The following TAOK3 variants were observed in gnomAD, a reference collection of about 807,000 sequenced individuals.
The protein encoded by TAOK3 is TAO kinase 3.
TAOK3 carries 40 observed loss-of-function variants against 120.4 expected under a neutral mutation model. The ratio of observed to expected loss-of-function variants is 0.33; its 90% CI spans 0.26 to 0.43. The LOEUF (loss-of-function observed/expected upper bound fraction) is 0.43, where lower values mean the gene tolerates loss of function less well. TAOK3 is among the 20% of genes least tolerant of loss of function. The pLI is 1.00. For synonymous variants in TAOK3, 355 were observed against 387.5 expected (o/e 0.92, Z 0.99); for missense variants, 821 against 1,112.1 (o/e 0.74, Z 3.72).
intron 9 of TAOK3, among the ~76,000 whole-genome samples, chr12:118,232,559 AT>A (rs2039829858): frequency 1.3e-5 from 2 of 152,150 alleles, no homozygotes; most frequent in Non-Finnish European, 2.9e-5. Flanking sequence ...ACTATGTGCT[AT>A]TTTGTATTTC....
At chr12:118,279,533 T>C (rs1034774231) in intron 1 of TAOK3, among the ~76,000 whole-genome samples, 1 of 151,964 alleles carries the variant, frequency 6.6e-6, no homozygotes, top group African/African-American at 2.4e-5. Context: ...CTTCCAGTGT[T>C]TTTATAGTTT....
intron 1 of TAOK3, among the ~76,000 whole-genome samples, chr12:118,315,096 A>G (rs1017338452): frequency 6.6e-6 from 1 of 151,952 alleles, no homozygotes; most frequent in African/African-American, 2.4e-5. Context: ...ACCCCTGGCT[A>G]ACTTTTATAC....
intron 14 of TAOK3, among the ~76,000 whole-genome samples, chr12:118,185,263 G>T (rs970559766): frequency 2.6e-5 from 4 of 152,018 alleles, no homozygotes; most frequent in Non-Finnish European, 5.9e-5. Flanking sequence ...TTTTTCTAAA[G>T]GTTCCTATAG....
At chr12:118,179,504 G>A (rs969492061) in intron 15 of TAOK3, among the ~76,000 whole-genome samples, 1 of 152,128 alleles carries the variant, frequency 6.6e-6, no homozygotes, top group Non-Finnish European at 1.5e-5. Context: ...TGTAAATGAC[G>A]AGTTAATGGG....
At chr12:118,248,476 C>T (rs775148954) in intron 3 of TAOK3, among the ~76,000 whole-genome samples, 25 of 151,912 alleles carry the variant, frequency 1.6e-4, no homozygotes, top group Admixed American at 1.2e-3. Flanking sequence ...GATGTAAATT[C>T]AGTATTACAA....
intron 1 of TAOK3, among the ~76,000 whole-genome samples, chr12:118,360,177 A>C (rs796108281): frequency 5.9e-5 from 9 of 152,034 alleles, no homozygotes; most frequent in African/African-American, 2.2e-4. Flanking sequence ...AGGCAGGAGA[A>C]TCACTTGAAC....
intron 1 of TAOK3, among the ~76,000 whole-genome samples, chr12:118,345,412 A>G (rs1434911158): frequency 2.0e-5 from 3 of 152,204 alleles, no homozygotes; most frequent in Non-Finnish European, 4.4e-5. Context: ...AAACGAACAA[A>G]ATAAACAAAT....
chr12:118,237,038 T>G (rs1402054720), intron 7 of TAOK3, among the ~76,000 whole-genome samples: 1 of 152,170 alleles, frequency 6.6e-6, no homozygotes, highest in African/African-American at 2.4e-5. Context: ...ACCAAAGACA[T>G]ATATTTACAA....
At chr12:118,345,521 A>C (rs1338128631) in intron 1 of TAOK3, among the ~76,000 whole-genome samples, 2 of 152,198 alleles carry the variant, frequency 1.3e-5, no homozygotes, top group Non-Finnish European at 2.9e-5. Flanking sequence ...ACCAAGGAAA[A>C]AGCCATGTGT....
intron 17 of TAOK3, among the ~76,000 whole-genome samples, chr12:118,162,597 G>A (rs1013925058): frequency 2.0e-4 from 31 of 151,986 alleles, no homozygotes; most frequent in African/African-American, 7.5e-4. Context: ...GAAATACTCT[G>A]TTTTTGCATG....
chr12:118,176,437 T>C (rs929939540), intron 16 of TAOK3, among the ~76,000 whole-genome samples: 61 of 152,014 alleles, frequency 4.0e-4, no homozygotes, highest in Non-Finnish European at 6.2e-4. Context: ...CTAAAAGCAA[T>C]GGGAAGACAA....
At chr12:118,261,452 T>TA (rs1822830326) in intron 2 of TAOK3, 1 of 152,176 alleles carries the variant, frequency 6.6e-6, no homozygotes, top group Non-Finnish European at 1.5e-5. Flanking sequence ...GCATGTTAAA[T>TA]ACAGAATCAG....
intron 9 of TAOK3, among the ~76,000 whole-genome samples, chr12:118,214,918 T>C (rs1565958590): frequency 6.6e-6 from 1 of 151,878 alleles, no homozygotes; most frequent in Non-Finnish European, 1.5e-5. Context: ...GCTAATTTTG[T>C]ATTTTTAGTA....
chr12:118,206,566 C>T (rs2038324523), intron 11 of TAOK3, among the ~76,000 whole-genome samples: 1 of 152,100 alleles, frequency 6.6e-6, no homozygotes, highest in Non-Finnish European at 1.5e-5. Flanking sequence ...TCTATGTTCT[C>T]TCTGCCTGCA....
At chr12:118,321,420 C>G (rs1489718295) in intron 1 of TAOK3, among the ~76,000 whole-genome samples, 1 of 152,158 alleles carries the variant, frequency 6.6e-6, no homozygotes, top group South Asian at 2.1e-4. Context: ...GCCACCACAT[C>G]TGGCTAGTTT....
intron 5 of TAOK3, among the ~76,000 whole-genome samples, chr12:118,242,941 T>TTA (rs10683167): frequency 0.12 from 18,174 of 150,866 alleles, 1,158 homozygotes; most frequent in Middle Eastern, 0.15. Context: ...GTATATATAT[T>TTA]TATATATATA....
chr12:118,211,808 A>T (rs929314185), intron 11 of TAOK3, among the ~76,000 whole-genome samples: 20 of 151,762 alleles, frequency 1.3e-4, no homozygotes, highest in Admixed American at 6.6e-5. Context: ...TTATGGTAGT[A>T]ATTTTTATGT....
chr12:118,182,681 T>C (rs2036838358), intron 14 of TAOK3, among the ~76,000 whole-genome samples: 1 of 148,076 alleles, frequency 6.8e-6, no homozygotes, highest in Admixed American at 6.8e-5. Flanking sequence ...TAAATTAGTC[T>C]GAACATGATT....
At chr12:118,158,157 G>T (rs1415666875) in intron 19 of TAOK3, among the ~76,000 whole-genome samples, 1 of 152,178 alleles carries the variant, frequency 6.6e-6, no homozygotes, top group African/African-American at 2.4e-5. Flanking sequence ...CCTGTGACAT[G>T]CTCTCTTCGG....
Sources: gnomAD v4.1 joint callset for allele counts (sites outside exome capture counted in the v4.1 genomes callset) on GRCh38, gnomAD v4.1.1 for gene constraint, MANE v1.5 for transcripts, NCBI Gene and HGNC (gene_info 2026-07-23, HGNC 2026-07-21) for gene names.